MAP3K13: variants seen among roughly 807,000 people sequenced by gnomAD.
MAP3K13 encodes the protein mitogen-activated protein kinase kinase kinase 13, also known as leucine zipper-bearing kinase.
In MAP3K13, 52 loss-of-function variants were observed where a neutral mutation model predicts 104.0. The observed-to-expected ratio is 0.50, with a 90% CI of 0.40 to 0.63. The LOEUF (loss-of-function observed/expected upper bound fraction) is 0.63. MAP3K13 is among the 20% of genes least tolerant of loss of function. The pLI, the probability that MAP3K13 is intolerant of heterozygous loss-of-function variation, is 0.00. For synonymous variants in MAP3K13, 394 were observed against 442.2 expected, an observed-to-expected ratio of 0.89 and a Z score of 1.37; for missense variants, 914 against 1,218.5, an observed-to-expected ratio of 0.75 and a Z score of 3.72.
chr3:185,382,693 G>C (rs545817939), intron 1 of MAP3K13, among the ~76,000 whole-genome samples: 144 of 152,066 alleles, frequency 9.5e-4, no homozygotes, highest in African/African-American at 3.3e-3. Flanking sequence ...GTTCCCACAA[G>C]AGCTGGTTGT....
At chr3:185,353,430 G>A (rs187249782) in intron 2 of MAP3K13, among the ~76,000 whole-genome samples, 3 of 152,326 alleles carry the variant, frequency 2.0e-5, no homozygotes, top group East Asian at 1.9e-4. Flanking sequence ...AACATGGTTC[G>A]AACAGTTGGC....
At chr3:185,448,565 A>G (rs991878699) in intron 5 of MAP3K13, among the ~76,000 whole-genome samples, 6 of 152,252 alleles carry the variant, frequency 3.9e-5, no homozygotes, top group Non-Finnish European at 8.8e-5. Flanking sequence ...GCTTAAAACC[A>G]AAATAATAGC....
chr3:185,343,606 C>T (rs1249223587), intron 2 of MAP3K13, among the ~76,000 whole-genome samples: 5 of 152,016 alleles, frequency 3.3e-5, no homozygotes, highest in Non-Finnish European at 7.4e-5. Flanking sequence ...GCACGTGCCA[C>T]CATGCCCAGC....
intron 1 of MAP3K13, among the ~76,000 whole-genome samples, chr3:185,405,844 C>A (rs1031187177): frequency 6.6e-6 from 1 of 152,152 alleles, no homozygotes; most frequent in Admixed American, 6.5e-5. Flanking sequence ...ACTATCTGAC[C>A]GGGTCTATTC....
intron 11 of MAP3K13, among the ~76,000 whole-genome samples, chr3:185,474,037 T>A (rs1344461343): frequency 6.6e-6 from 1 of 152,044 alleles, no homozygotes; most frequent in African/African-American, 2.4e-5. Flanking sequence ...ATACTGGGGA[T>A]ATGGGCTGCA....
At chr3:185,394,395 A>C (rs1234168224) in intron 1 of MAP3K13, among the ~76,000 whole-genome samples, 1 of 152,228 alleles carries the variant, frequency 6.6e-6, no homozygotes, top group African/African-American at 2.4e-5. Context: ...AACTAAGTCG[A>C]TTTAATGAAA....
At chr3:185,393,108 C>G (rs1272715448) in intron 1 of MAP3K13, among the ~76,000 whole-genome samples, 1 of 151,788 alleles carries the variant, frequency 6.6e-6, no homozygotes, top group Non-Finnish European at 1.5e-5. Context: ...ATGACCTGTG[C>G]TAGAAGGGGT....
At chr3:185,368,969 A>AC (rs1252967638) in intron 1 of MAP3K13, among the ~76,000 whole-genome samples, 3 of 151,856 alleles carry the variant, frequency 2.0e-5, no homozygotes, top group Non-Finnish European at 4.4e-5. Flanking sequence ...CAAAAAAAAA[A>AC]AAAACCAAGT....
intron 2 of MAP3K13, among the ~76,000 whole-genome samples, chr3:185,308,094 T>C (rs1472631487): frequency 6.7e-6 from 1 of 149,880 alleles, no homozygotes; most frequent in Admixed American, 6.7e-5. Context: ...TATTTTTTGC[T>C]GGGATTTGCA....
chr3:185,398,932 A>G (rs958576013), intron 1 of MAP3K13, among the ~76,000 whole-genome samples: 18 of 152,256 alleles, frequency 1.2e-4, no homozygotes, highest in Non-Finnish European at 5.9e-5. Context: ...GCTAAGAGGT[A>G]GCCAAGTGTC....
chr3:185,396,774 AT>A (rs1265913247), intron 1 of MAP3K13, among the ~76,000 whole-genome samples: 1 of 151,742 alleles, frequency 6.6e-6, no homozygotes, highest in African/African-American at 2.4e-5. Context: ...TCCTTCCCTT[AT>A]TTTTTCTGAC....
chr3:185,359,722 G>T (rs1010997659), upstream of MAP3K13, among the ~76,000 whole-genome samples: 4 of 152,158 alleles, frequency 2.6e-5, no homozygotes, highest in Admixed American at 6.5e-5. Flanking sequence ...ATAAGTGGCA[G>T]AAATAGGATT....
chr3:185,426,343 G>A (rs1053281636), intron 1 of MAP3K13, among the ~76,000 whole-genome samples: 4 of 152,208 alleles, frequency 2.6e-5, no homozygotes, highest in Admixed American at 1.3e-4. Flanking sequence ...GCCTCCGAAA[G>A]TTTTGGGATT....
At chr3:185,404,008 A>T (rs1473595229) in intron 1 of MAP3K13, among the ~76,000 whole-genome samples, 1 of 152,234 alleles carries the variant, frequency 6.6e-6, no homozygotes, top group Non-Finnish European at 1.5e-5. Flanking sequence ...TAACAATGGG[A>T]TCATTTAATG....
At chr3:185,305,608 T>A (rs527707456) in intron 2 of MAP3K13, among the ~76,000 whole-genome samples, 3 of 152,312 alleles carry the variant, frequency 2.0e-5, no homozygotes, top group Admixed American at 6.5e-5. Context: ...GTTTATATGC[T>A]TTCAAGTTGT....
intron 2 of MAP3K13, chr3:185,291,530 G>T: frequency 3.3e-6 from 4 of 1,223,726 alleles, no homozygotes; most frequent in South Asian, 1.6e-5. Flanking sequence ...ATTAATTACT[G>T]ACCCAAAAGT....
chr3:185,346,929 A>G (rs556845425), intron 2 of MAP3K13, among the ~76,000 whole-genome samples: 1 of 151,718 alleles, frequency 6.6e-6, no homozygotes, highest in South Asian at 2.1e-4. Flanking sequence ...ATTTGTTCAA[A>G]TTAGTAAAAG....
At chr3:185,302,987 T>C (rs1721161247) in intron 2 of MAP3K13, among the ~76,000 whole-genome samples, 1 of 152,192 alleles carries the variant, frequency 6.6e-6, no homozygotes, top group Non-Finnish European at 1.5e-5. Flanking sequence ...TAAATGGCCT[T>C]TATTGTATTA....
At chr3:185,355,670 A>G (rs1723324419) in intron 2 of MAP3K13, among the ~76,000 whole-genome samples, 1 of 152,042 alleles carries the variant, frequency 6.6e-6, no homozygotes, top group Admixed American at 6.5e-5. Context: ...AGCAAAGAGA[A>G]CTCAGAATTG....
Sources: allele counts gnomAD v4.1 joint callset (sites outside exome capture counted in the v4.1 genomes callset), GRCh38; gene constraint gnomAD v4.1.1; transcripts MANE v1.5; gene names NCBI Gene and HGNC (gene_info 2026-07-23, HGNC 2026-07-21).